The following DDI2 variants were observed in gnomAD, a reference collection of about 807,000 sequenced individuals.
DDI2 encodes the protein DDI proteasomal shuttling factor 2, also known as protein DDI1 homolog 2.
A neutral mutation model predicts 48.1 loss-of-function variants in DDI2; 5 were observed. That is an observed-to-expected ratio of 0.10 (90% CI 0.05 to 0.22). The LOEUF (loss-of-function observed/expected upper bound fraction) is 0.22, where lower values mean the gene tolerates loss of function less well. DDI2 is among the 10% of genes least tolerant of loss of function. The pLI is 1.00. For synonymous variants in DDI2, 205 were observed against 183.6 expected, an observed-to-expected ratio of 1.12 and a Z score of -0.94; for missense variants, 285 against 506.2, an observed-to-expected ratio of 0.56 and a Z score of 4.19.
At chr1:15,637,155 C>T (rs1017785518) in intron 4 of DDI2, among the ~76,000 whole-genome samples, 2 of 152,162 alleles carry the variant, frequency 1.3e-5, no homozygotes, top group Non-Finnish European at 1.5e-5. Flanking sequence ...TTGGAGTAAG[C>T]AAGAACTCCC....
chr1:15,654,155 C>G (rs1640234346), intron 8 of DDI2, among the ~76,000 whole-genome samples: 1 of 152,124 alleles, frequency 6.6e-6, no homozygotes. Context: ...TTAAGAGTTA[C>G]AAGTTCAGGG....
chr1:15,645,023 C>A (rs973689037), intron 6 of DDI2, among the ~76,000 whole-genome samples: 2 of 133,540 alleles, frequency 1.5e-5, no homozygotes, highest in Middle Eastern at 3.6e-3. Flanking sequence ...CCTGAGTAGC[C>A]GGGTCACAGG....
chr1:15,630,471 C>A lies in DDI2; in HGVS notation c.415C>A (p.Arg139=). ...PQGLDNPALL[R]DMLLANPHEL... ...GGGCTTGGACAATCCAGCCTTGCTC[C>A]GAGATATGTTGCTGGCCAACCCGCA... The change falls in exon 3 of 10, where the codon CGA becomes AGA. Residue 139 remains arginine (R), a synonymous_variant. Transcript: ENST00000480945. The A allele has an allele frequency of 6.2e-7, 1 of 1,614,172 alleles. No homozygotes were observed. Among genetic ancestry groups the A allele is most frequent in the Non-Finnish European group, 8.5e-7 (1 of 1,180,032 alleles).
intron 4 of DDI2, among the ~76,000 whole-genome samples, chr1:15,636,362 G>A (rs1448012985): frequency 2.0e-5 from 3 of 152,032 alleles, no homozygotes; most frequent in Non-Finnish European, 4.4e-5. Context: ...TCCTGGGCTC[G>A]AGTGATTTGT....
intron 5 of DDI2, among the ~76,000 whole-genome samples, chr1:15,640,776 C>T (rs890022222): frequency 6.6e-6 from 1 of 152,198 alleles, no homozygotes; most frequent in Non-Finnish European, 1.5e-5. Flanking sequence ...TAATCTTTCT[C>T]AAATGCCAAG....
chr1:15,646,626 G>A (rs1431141387), intron 6 of DDI2, among the ~76,000 whole-genome samples: 2 of 152,050 alleles, frequency 1.3e-5, no homozygotes, highest in African/African-American at 4.8e-5. Flanking sequence ...GGCAGAGGTT[G>A]CAGTAAGCTG....
intron 1 of DDI2, among the ~76,000 whole-genome samples, chr1:15,623,550 T>C (rs1639703540): frequency 6.7e-6 from 1 of 149,968 alleles, no homozygotes; most frequent in Non-Finnish European, 1.5e-5. Flanking sequence ...TATGCTACCA[T>C]GCCTGGCTTA....
In DDI2 at chr1:15,660,389, A is replaced by G. The variant is rs1186907900; in HGVS notation, c.*599A>G. ...CAGCAGCACGAAGAACCAGGGAATG[A>G]ACAGTATGAGGTTGCACAACAAAAA... On this transcript the variant is annotated 3_prime_UTR_variant, in exon 10 of 10. Transcript: ENST00000480945. The G allele has an allele frequency of 3.7e-6, 6 of 1,614,100 alleles. No individual in the cohort carries two copies. The highest frequency in any genetic ancestry group is 5.1e-6 in the Non-Finnish European group (6 of 1,180,010).
chr1:15,643,880 G>A lies in DDI2; in HGVS notation c.889+230G>A, dbSNP rs192164599. ...GTTGCAAACAAGTAGTCTCCTCTAC[G>A]TTTCTATTTCCTGAAAATATAATCC... is the stretch of plus-strand genomic sequence containing the variant. On this transcript the variant is annotated intron_variant, in intron 6 of 9. Transcript: ENST00000480945. Among the ~76,000 whole-genome samples, 206 of 152,174 alleles carry A rather than the reference G, an allele frequency of 1.4e-3. 1 individual carries two copies. Among genetic ancestry groups the A allele is most frequent in the East Asian group, 5.8e-4 (3 of 5,186 alleles).
intron 4 of DDI2, among the ~76,000 whole-genome samples, chr1:15,637,403 G>A (rs116383663): frequency 0.034 from 5,108 of 152,092 alleles, 288 homozygotes; most frequent in African/African-American, 0.12. Context: ...TTGGTGTCTC[G>A]CTCTGTCGCT....
intron 2 of DDI2, among the ~76,000 whole-genome samples, chr1:15,629,567 A>G (rs1360862947): frequency 2.0e-5 from 3 of 150,524 alleles, no homozygotes; most frequent in Admixed American, 6.6e-5. Context: ...ATTGCACTCC[A>G]ATCTGGGCAA....
At chr1:15,653,512 A>C (rs1296201299) in intron 8 of DDI2, among the ~76,000 whole-genome samples, 3 of 152,130 alleles carry the variant, frequency 2.0e-5, no homozygotes, top group Non-Finnish European at 4.4e-5. Context: ...AAGACAGAAG[A>C]ACCAACAAAA....
chr1:15,658,732 C>T (rs909996667), intron 9 of DDI2, among the ~76,000 whole-genome samples: 1 of 140,772 alleles, frequency 7.1e-6, no homozygotes, highest in African/African-American at 2.7e-5. Context: ...CCTGTCTGGG[C>T]AACAAGAGCA....
Position 15,668,762 on chromosome 1 carries a change from T to C in DDI2, c.*8972T>C, listed in dbSNP as rs1173187265. The C allele has an allele frequency of 6.6e-6, 1 of 152,190 alleles. No individual in the cohort carries two copies. Among genetic ancestry groups the C allele is most frequent in the African/African-American group, 2.4e-5 (1 of 41,450 alleles). 9.4% of individuals were successfully genotyped at this position (152,190 alleles called of 1,614,324 possible). ...CTGTCACTCCCATGATGCTTTGGTTTTGAGAGTTGGGAAAACTCTGAGAAC... is the reference window on the plus strand; with the variant it reads ...CTGTCACTCCCATGATGCTTTGGTTCTGAGAGTTGGGAAAACTCTGAGAAC... On this transcript the variant is annotated 3_prime_UTR_variant, in exon 10 of 10. Transcript: ENST00000480945.
intron 1 of DDI2, among the ~76,000 whole-genome samples, chr1:15,622,196 G>A (rs940465455): frequency 1.7e-4 from 18 of 107,476 alleles, no homozygotes; most frequent in Admixed American, 2.5e-4. Flanking sequence ...AAGTAGCTGC[G>A]ACTTTTTTTT....
Position 15,661,785 on chromosome 1 carries a change from T to C in DDI2, c.*1995T>C. On this transcript the variant is annotated 3_prime_UTR_variant, in exon 10 of 10. Transcript: ENST00000480945. ...TAAACAAAAGAAAGCTCTCTCTATA[T>C]ACACGCACACATACACACTCACCAC... 1 of 1,518,332 alleles carries C rather than the reference T, an allele frequency of 6.6e-7. No homozygotes were observed. Among genetic ancestry groups the C allele is most frequent in the East Asian group, 2.3e-5 (1 of 43,640 alleles). The allele number at this position is 1,518,332 out of a possible 1,614,324, so 94.1% of individuals were successfully genotyped here. A position where few individuals can be genotyped will look rare whatever the true frequency, so the allele number is the denominator to read the frequency against.
Position 15,660,542 on chromosome 1 carries a change from T to G in DDI2, c.*752T>G. Reference sequence around the variant, plus strand: ...AAAGGAAATGGGCTCCCACAGAATGTGGATCCTCCAAGTGCGAAGAAAAGT... The same window carrying G: ...AAAGGAAATGGGCTCCCACAGAATGGGGATCCTCCAAGTGCGAAGAAAAGT... On this transcript the variant is annotated 3_prime_UTR_variant, in exon 10 of 10. Coordinates refer to ENST00000480945, the MANE Select transcript of DDI2 (RefSeq NM_032341.5). 6.2e-7 allele frequency: 1 copy of G among 1,613,154 alleles called. No homozygotes were observed. The highest frequency in any genetic ancestry group is 8.5e-7 in the Non-Finnish European group (1 of 1,179,774).
At chr1:15,656,455 C>T in intron 8 of DDI2, 162 bp from the exon 9 acceptor site, 1 of 1,506,318 alleles carries the variant, frequency 6.6e-7, no homozygotes, top group Non-Finnish European at 8.9e-7. Context: ...TGGAAGCAAC[C>T]AACAAATATT....
chr1:15,644,587 GTTTTTT>G (rs138470671), intron 6 of DDI2, among the ~76,000 whole-genome samples: 1 of 57,824 alleles, frequency 1.7e-5, no homozygotes, highest in Non-Finnish European at 3.0e-5. Context: ...AGTTTTTTTT[GTTTTTT>G]TTTTTTTTTT....
Sources: gnomAD v4.1 joint callset for allele counts (sites outside exome capture counted in the v4.1 genomes callset) on GRCh38, gnomAD v4.1.1 for gene constraint, MANE v1.5 for transcripts, NCBI Gene and HGNC (gene_info 2026-07-23, HGNC 2026-07-21) for gene names.